Variants in DLG5 observed in about 807,000 individuals in gnomAD.
DLG5 encodes the protein discs large MAGUK scaffold protein 5, also known as disks large homolog 5.
Under a neutral mutation model 189.8 loss-of-function variants are expected in DLG5, and 48 were observed. That is an observed-to-expected ratio of 0.25 (90% CI 0.20 to 0.32). The LOEUF is 0.32. DLG5 is among the 10% of genes least tolerant of loss of function. DLG5 has a pLI of 1.00. For missense variants in DLG5, 2,160 were observed against 2,544.7 expected (o/e 0.85, Z 3.25); for synonymous variants, 1,016 against 1,054.1 (o/e 0.96, Z 0.70).
At chr10:77,855,370 A>G (rs1392498903) in intron 3 of DLG5, among the ~76,000 whole-genome samples, 1 of 152,198 alleles carries the variant, frequency 6.6e-6, no homozygotes, top group African/African-American at 2.4e-5. Flanking sequence ...GTGCATTAAC[A>G]AGCTCTGTGG....
At chr10:77,914,885 T>C (rs1360964804) in intron 1 of DLG5, among the ~76,000 whole-genome samples, 1 of 152,194 alleles carries the variant, frequency 6.6e-6, no homozygotes, top group Admixed American at 6.5e-5. Context: ...TTCTAGTCTC[T>C]AGAGCAATTC....
intron 23 of DLG5, 46 bp downstream of exon 23, chr10:77,811,048 C>A: frequency 1.3e-6 from 2 of 1,586,506 alleles, no homozygotes; most frequent in Non-Finnish European, 8.6e-7. Flanking sequence ...TCAGCCCCAC[C>A]CAGCCGAAGC....
At chr10:77,888,061 G>A (rs1845493755) in intron 1 of DLG5, among the ~76,000 whole-genome samples, 1 of 152,200 alleles carries the variant, frequency 6.6e-6, no homozygotes, top group South Asian at 2.1e-4. Context: ...TGTCAGACAG[G>A]ATTTTGTGCA....
chr10:77,895,544 T>C (rs1342172375), intron 1 of DLG5, among the ~76,000 whole-genome samples: 5 of 152,152 alleles, frequency 3.3e-5, no homozygotes, highest in Admixed American at 2.0e-4. Flanking sequence ...AGGTGTCAGA[T>C]TTTGTAAGTG....
chr10:77,883,723 G>C (rs1032306193), intron 1 of DLG5, among the ~76,000 whole-genome samples: 1 of 129,548 alleles, frequency 7.7e-6, no homozygotes, highest in African/African-American at 3.0e-5. Flanking sequence ...TTGAGACGGA[G>C]TCTCCCTCTG....
chr10:77,826,621 T>C (rs940844920), intron 13 of DLG5, among the ~76,000 whole-genome samples: 54 of 151,512 alleles, frequency 3.6e-4, no homozygotes, highest in African/African-American at 1.3e-3. Context: ...AGAGTGAGGC[T>C]ATCTCAAACA....
chr10:77,796,985 C>T lies in DLG5; in HGVS notation c.5165-391G>A, dbSNP rs1242714722. On this transcript the variant is annotated intron_variant, in intron 27 of 31. Transcript: ENST00000372391. The surrounding 1 kb of genome is among the most constrained non-coding windows in gnomAD (Gnocchi z 5.2). ...GAAGGTGTGGTCAGTGTAACCCAGA[C>T]CTGCCCAGTGACAGGTGAGGCCTCC... Among the ~76,000 whole-genome samples, 3 of 152,226 alleles carry T rather than the reference C, an allele frequency of 2.0e-5. No individual in the cohort carries two copies. In the East Asian group the frequency reaches 5.8e-4, roughly 29 times the overall value.
intron 1 of DLG5, among the ~76,000 whole-genome samples, chr10:77,884,600 A>G (rs933468957): frequency 1.3e-5 from 2 of 152,220 alleles, no homozygotes; most frequent in Admixed American, 1.3e-4. Flanking sequence ...AAACTCTGCA[A>G]TCTAATCTGT....
At chr10:77,834,756 C>T (rs12356375) in intron 8 of DLG5, among the ~76,000 whole-genome samples, 1 of 151,898 alleles carries the variant, frequency 6.6e-6, no homozygotes, top group African/African-American at 2.4e-5. Context: ...TGGCTGAGGA[C>T]TGCCCCCTGG....
Position 77,805,773 on chromosome 10 carries a change from G to C in DLG5, c.5056C>G (p.Arg1686Gly). Reference sequence around the variant, plus strand: ...TTGTGTTTCCTCCGAAAAAAGGACCGGCGTGCAGCCGCTGACAGCGTCTTT... The same window carrying C: ...TTGTGTTTCCTCCGAAAAAAGGACCCGCGTGCAGCCGCTGACAGCGTCTTT... ...ATKTLSAAAR[R>G]SFFRRKHKHK... The change falls in exon 27 of 32, where the codon CGG becomes GGG. Residue 1686 changes from arginine to glycine, a missense_variant. By Grantham distance (125) the Arg-to-Gly change is moderately radical. This residue lies in a region of DLG5 where 574 missense variants were observed against 644.2 expected (regional missense o/e 0.89). Coordinates refer to ENST00000372391, the MANE Select transcript of DLG5 (RefSeq NM_004747.4). 1 of 1,614,202 alleles carries C rather than the reference G, an allele frequency of 6.2e-7. No individual in the cohort carries two copies. The highest frequency in any genetic ancestry group is 8.5e-7 in the Non-Finnish European group (1 of 1,180,048).
At chr10:77,798,346 G>A (rs866242424) in intron 27 of DLG5, among the ~76,000 whole-genome samples, 25 of 152,102 alleles carry the variant, frequency 1.6e-4, no homozygotes, top group African/African-American at 5.6e-4. Context: ...ATGTGGTCCC[G>A]AGTGAAGGCT....
At chr10:77,923,787 G>A (rs541031739) in intron 1 of DLG5, among the ~76,000 whole-genome samples, 1 of 152,198 alleles carries the variant, frequency 6.6e-6, no homozygotes, top group Non-Finnish European at 1.5e-5. Flanking sequence ...ACACGCCACT[G>A]TTTGCTGACA....
At chr10:77,816,290 A>G (rs1302648099) in intron 20 of DLG5, 9 of 690,314 alleles carry the variant, frequency 1.3e-5, no homozygotes, top group Non-Finnish European at 2.1e-5. Flanking sequence ...AAATGGTGCC[A>G]TGATGGCACG....
chr10:77,818,033 A>C, intron 17 of DLG5, 144 bp from the exon 18 acceptor site: 2 of 679,650 alleles, frequency 2.9e-6, no homozygotes, highest in South Asian at 3.8e-5. Context: ...CGAGGATAGC[A>C]GGCTGCCCTC....
intron 7 of DLG5, among the ~76,000 whole-genome samples, chr10:77,838,637 G>A (rs1326705605): frequency 1.3e-5 from 2 of 152,224 alleles, no homozygotes; most frequent in Admixed American, 1.3e-4. Flanking sequence ...CGTGCAGATA[G>A]AAGACAGAAG....
Position 77,796,363 on chromosome 10 carries a change from A to G in DLG5, c.5308+88T>C. 1 of 1,600,620 alleles carries G rather than the reference A, an allele frequency of 6.2e-7. No homozygotes were observed. Among genetic ancestry groups the G allele is most frequent in the Non-Finnish European group, 8.5e-7 (1 of 1,170,560 alleles). On this transcript the variant is annotated intron_variant, in intron 28 of 31. Transcript: ENST00000372391. This position sits in a 1 kb window ranked among gnomAD's most constrained non-coding sequence, Gnocchi z 5.2. ...GTGAAATCTGCCCCCCGGTACTGCC[A>G]CCCACTGTGCACAGCTGGGCAGGCA...
chr10:77,841,661 G>T (rs968555434), intron 7 of DLG5, among the ~76,000 whole-genome samples: 1 of 152,186 alleles, frequency 6.6e-6, no homozygotes, highest in African/African-American at 2.4e-5. Flanking sequence ...ACTGTGTCTG[G>T]GTCTCCCTCC....
rs148313888 is a variant in DLG5 at position 77,821,996 on chromosome 10, G to A, written c.2488C>T (p.His830Tyr). The A allele has an allele frequency of 1.8e-4, 286 of 1,614,210 alleles. 1 individual carries two copies. The African/African-American group carries it at 3.1e-3, about 18-fold the overall frequency. ...TGCTGTATCAAGTTCCGTTTGTTAT[G>A]AGCCTGGACCTCCGGGCCATGGGCT... ...FRAHGPEVQA[H>Y]NKRNLIQHNN... The change falls in exon 15 of 32, where the codon CAT becomes TAT. Residue 830 changes from histidine (H) to tyrosine (Y), a missense_variant. Around this residue, in one of 5 missense-constraint regions of DLG5, gnomAD observed 754 missense variants for 746.5 expected, o/e 1.01. Transcript: ENST00000372391.
chr10:77,872,536 G>C (rs1185552306), intron 1 of DLG5, among the ~76,000 whole-genome samples: 3 of 152,140 alleles, frequency 2.0e-5, no homozygotes, highest in Non-Finnish European at 4.4e-5. Context: ...GGGGGGAGTG[G>C]TTAAAATTGG....
Sources: allele counts gnomAD v4.1 joint callset (sites outside exome capture counted in the v4.1 genomes callset), GRCh38; gene constraint gnomAD v4.1.1; regional missense constraint gnomAD v4.1.1; non-coding constraint Gnocchi (gnomAD v3.1); transcripts MANE v1.5; gene names NCBI Gene and HGNC (gene_info 2026-07-23, HGNC 2026-07-21).